The following UBAP2L variants were observed in gnomAD, a reference collection of about 807,000 sequenced individuals.
UBAP2L encodes the protein ubiquitin associated protein 2 like.
In UBAP2L, 12 loss-of-function variants were observed where a neutral mutation model predicts 130.6. The ratio of observed to expected loss-of-function variants is 0.09; its 90% confidence interval spans 0.06 to 0.15. The LOEUF (loss-of-function observed/expected upper bound fraction) is 0.15. Among genes scored for constraint, UBAP2L ranks in the 10% least tolerant of loss-of-function variants. UBAP2L has a pLI of 1.00. For synonymous variants in UBAP2L, 503 were observed against 524.7 expected (o/e 0.96, Z 0.57); for missense variants, 965 against 1,332.5 (o/e 0.72, Z 4.29).
chr1:154,270,683 G>A lies in UBAP2L; in HGVS notation c.*388G>A. ...CCTAAGTCTCCTTCTTTATTATTAG[G>A]AAAACAACAACAACAACAAACAAAA... is the stretch of plus-strand genomic sequence containing the variant. On this transcript the variant is annotated 3_prime_UTR_variant, in exon 27 of 27. Transcript: ENST00000428931. The A allele has an allele frequency of 7.1e-7, 1 of 1,399,252 alleles. No individual in the cohort carries two copies. Among genetic ancestry groups the A allele is most frequent in the South Asian group, 1.7e-5 (1 of 60,554 alleles). The allele number at this position is 1,399,252 out of a possible 1,614,324, so 86.7% of individuals were successfully genotyped here.
In UBAP2L at chr1:154,225,216, A is replaced by G; in HGVS notation, c.90+3A>G. On this transcript the variant is annotated splice_donor_region_variant and intron_variant, in intron 2 of 26. Coordinates refer to ENST00000428931, the MANE Select transcript of UBAP2L (RefSeq NM_014847.4). ...CACAGCACAAGCAGCGGCCACAGGT[A>G]AATAATCCAAGGCATACGGATTCAT... is the stretch of plus-strand genomic sequence containing the variant. 6.2e-7 allele frequency: 1 copy of G among 1,613,962 alleles called. No individual in the cohort carries two copies. The highest frequency in any genetic ancestry group is 8.5e-7 in the Non-Finnish European group (1 of 1,179,938).
intron 10 of UBAP2L, among the ~76,000 whole-genome samples, chr1:154,244,086 A>G (rs1332668449): frequency 6.6e-6 from 1 of 152,176 alleles, no homozygotes; most frequent in Non-Finnish European, 1.5e-5. Flanking sequence ...TTAAATCTCT[A>G]GGGATCAGTG....
intron 18 of UBAP2L, among the ~76,000 whole-genome samples, chr1:154,256,747 ACT>A (rs1270564019): frequency 1.3e-5 from 2 of 152,042 alleles, no homozygotes; most frequent in Non-Finnish European, 2.9e-5. Flanking sequence ...TTACATCTCA[ACT>A]CTCTCTGTTC....
Position 154,254,024 on chromosome 1 carries a change from A to T in UBAP2L, c.1789A>T (p.Thr597Ser), listed in dbSNP as rs749422223. The change falls in exon 15 of 27, where the codon ACA (threonine) becomes TCA (serine). Residue 597 changes from threonine to serine, a missense_variant. Thr to Ser is a moderately conservative substitution (Grantham distance 58, BLOSUM62 1). Transcript: ENST00000428931. ...GGGCCCTCTTTATGAACAGAGATCC[A>T]CACAGACTCGGCGGTACCCCAGCTC... The part of the protein sequence containing the change: ...AQGPLYEQRS[T>S]QTRRYPSSIS... 6.2e-7 allele frequency: 1 copy of T among 1,612,518 alleles called. No individual in the cohort carries two copies. Among genetic ancestry groups the T allele is most frequent in the Admixed American group, 1.7e-5 (1 of 59,720 alleles).
chr1:154,267,880 CTTTTTTTTTTTTT>C (rs869153080), intron 25 of UBAP2L, among the ~76,000 whole-genome samples: 1 of 52,056 alleles, frequency 1.9e-5, no homozygotes, highest in Non-Finnish European at 3.6e-5. Flanking sequence ...CTTATTTGGT[CTTTTTTTTTTTTT>C]TTTTTTTTTT....
rs748293198 is a variant in UBAP2L at position 154,251,588 on chromosome 1, G to A, written c.1599G>A (p.Glu533=). 3.1e-5 allele frequency: 50 copies of A among 1,614,094 alleles called. No homozygotes were observed. The highest frequency in any genetic ancestry group is 4.2e-5 in the Non-Finnish European group (49 of 1,180,020). Residue 533 remains glutamate (E), a synonymous_variant, in exon 14 of 27, where the codon GAG becomes GAA. Transcript: ENST00000428931. ...CAGAGCCTGTCCTTTCTGATTATGA[G>A]TCCACCCCCACCACGAGCGCCTCTT... ...FGSEPVLSDY[E]STPTTSASSS... is the part of the protein sequence containing the mutation.
intron 21 of UBAP2L, 102 bp from the exon 22 acceptor site, chr1:154,259,846 G>A: frequency 8.1e-7 from 1 of 1,234,000 alleles, no homozygotes; most frequent in Non-Finnish European, 1.2e-6. Flanking sequence ...TGGATAAATT[G>A]CACAACTCTC....
At chr1:154,221,205 G>C (rs1185800192) in intron 1 of UBAP2L, 2 of 150,712 alleles carry the variant, frequency 1.3e-5, no homozygotes, top group Non-Finnish European at 3.0e-5. Flanking sequence ...CCCACCTCGA[G>C]TCGGCCCCCG....
At chr1:154,220,681 T>G, upstream of UBAP2L, 1 of 496,672 alleles carries the variant, frequency 2.0e-6, no homozygotes. Flanking sequence ...ACTACGACAG[T>G]AAGAGGAAGC....
At position 154,255,234 on chromosome 1, in the gene UBAP2L, C is replaced by T. The variant is rs1156787637; in HGVS notation, c.1992C>T (p.Ser664=). ...TCAATGAAACGGTATCTGCAGCTTC[C>T]TTACTGACGACAACCAATCAGCATT... The part of the protein sequence containing the change: ...PPLNETVSAA[S]LLTTTNQHSS... Residue 664 remains serine, a synonymous_variant, in exon 17 of 27, where the codon TCC becomes TCT. Coordinates refer to ENST00000428931, the MANE Select transcript of UBAP2L (RefSeq NM_014847.4). The T allele has an allele frequency of 1.9e-6, 3 of 1,614,196 alleles. No homozygotes were observed. In the South Asian group the frequency reaches 3.3e-5, roughly 18 times the overall value.
chr1:154,265,495 ATTAC>A (rs1682985128), intron 24 of UBAP2L, among the ~76,000 whole-genome samples: 1 of 152,222 alleles, frequency 6.6e-6, no homozygotes, highest in South Asian at 2.1e-4. Context: ...TCCTAGTTAA[ATTAC>A]TTACTTTTCT....
At chr1:154,268,674 G>C in intron 25 of UBAP2L, 83 bp from the exon 26 acceptor site, 1 of 1,394,714 alleles carries the variant, frequency 7.2e-7, no homozygotes, top group East Asian at 2.3e-5. Context: ...CTTTCTGAGG[G>C]TCAGGGAGCT....
chr1:154,265,750 T>C (rs2149077359), intron 24 of UBAP2L, among the ~76,000 whole-genome samples: 1 of 151,462 alleles, frequency 6.6e-6, no homozygotes, highest in Middle Eastern at 3.4e-3. Context: ...ATGAGAGCTT[T>C]TATCTTACGG....
chr1:154,271,025 T>C (rs1684651075), downstream of UBAP2L: 4 of 1,375,202 alleles, frequency 2.9e-6, no homozygotes, highest in Non-Finnish European at 1.0e-6. Flanking sequence ...GGTAGTAGTA[T>C]CTTGTCCTTG....
At chr1:154,270,922 A>G, downstream of UBAP2L, 7 of 1,550,496 alleles carry the variant, frequency 4.5e-6, no homozygotes, top group Non-Finnish European at 6.1e-6. Context: ...GTGAATAAGT[A>G]TTACTGTACC....
rs1677472225 is a variant in UBAP2L at position 154,251,117 on chromosome 1, GATGGAGGTGTT to G, written c.1291_1301del (p.Met431ProfsTer43). ...AGGCTTTTACCCCATCTTCAACCAT[GATGGAGGTGTT>G]CCTTCAGGAGAAGTCACCTGCAGTG... is the stretch of plus-strand genomic sequence containing the variant. On this transcript the variant is annotated frameshift_variant, in exon 13 of 27. Transcript: ENST00000428931. LOFTEE classifies it high-confidence loss of function. 6.2e-7 allele frequency: 1 copy of G among 1,613,998 alleles called. No homozygotes were observed. The highest frequency in any genetic ancestry group is 8.5e-7 in the Non-Finnish European group (1 of 1,180,036).
At chr1:154,261,533 G>A in intron 23 of UBAP2L, 59 bp from the exon 24 acceptor site, 7 of 1,531,248 alleles carry the variant, frequency 4.6e-6, no homozygotes, top group South Asian at 1.1e-5. Flanking sequence ...AGCAGGACAA[G>A]TGGGACAGAT....
At chr1:154,249,887 A>G (rs1237633314) in intron 12 of UBAP2L, among the ~76,000 whole-genome samples, 1 of 151,692 alleles carries the variant, frequency 6.6e-6, no homozygotes, top group Non-Finnish European at 1.5e-5. Flanking sequence ...AAAAAGAAAA[A>G]TTTTTAACCA....
At chr1:154,227,789 C>G (rs770565150) in intron 3 of UBAP2L, among the ~76,000 whole-genome samples, 12 of 152,254 alleles carry the variant, frequency 7.9e-5, no homozygotes, top group Middle Eastern at 3.4e-3. Flanking sequence ...CTCAAGTGAT[C>G]TGCCTGCCTC....
Sources: allele counts gnomAD v4.1 joint callset (sites outside exome capture counted in the v4.1 genomes callset), GRCh38; gene constraint gnomAD v4.1.1; transcripts MANE v1.5; gene names NCBI Gene and HGNC (gene_info 2026-07-23, HGNC 2026-07-21).